The following WSB2 variants were observed in gnomAD, a reference collection of about 807,000 sequenced individuals.
The protein encoded by WSB2 is WD repeat and SOCS box containing 2, also known as WD repeat and SOCS box-containing protein 2.
WSB2 carries 12 observed loss-of-function variants against 48.8 expected under a neutral mutation model. That is an observed-to-expected ratio of 0.25 (90% CI 0.16 to 0.40). WSB2 has a LOEUF of 0.40. WSB2 is among the 10% of genes least tolerant of loss of function. The pLI is 1.00. For synonymous variants in WSB2, 191 were observed against 203.1 expected, an observed-to-expected ratio of 0.94 and a Z score of 0.51; for missense variants, 317 against 506.2, an observed-to-expected ratio of 0.63 and a Z score of 3.59.
intron 2 of WSB2, among the ~76,000 whole-genome samples, chr12:118,046,490 A>G (rs1325255733): frequency 6.6e-6 from 1 of 152,004 alleles, no homozygotes; most frequent in East Asian, 1.9e-4. Context: ...AAAAGAAAGA[A>G]AAAATTTGTC....
At chr12:118,049,061 T>C (rs541155855) in intron 2 of WSB2, among the ~76,000 whole-genome samples, 7 of 152,220 alleles carry the variant, frequency 4.6e-5, no homozygotes, top group Non-Finnish European at 8.8e-5. Context: ...ATCTTCCATG[T>C]TGTGCTTTTT....
At chr12:118,050,315 C>G (rs976222447) in intron 2 of WSB2, among the ~76,000 whole-genome samples, 13 of 152,172 alleles carry the variant, frequency 8.5e-5, no homozygotes, top group African/African-American at 3.1e-4. Flanking sequence ...CATTCTGACA[C>G]TGGGGCTTGT....
At chr12:118,053,754 C>T (rs2031898801) in intron 1 of WSB2, among the ~76,000 whole-genome samples, 1 of 152,152 alleles carries the variant, frequency 6.6e-6, no homozygotes, top group South Asian at 2.1e-4. Flanking sequence ...GTGATACTTA[C>T]TAATATAAAA....
At position 118,036,474 on chromosome 12, in the gene WSB2, G is replaced by A; in HGVS notation, c.697C>T (p.Arg233Trp). ...CTGCTTTGATGGCCCTCTAGCTTCC[G>A]AATTAACGTGTAGGACCTCATGCTC... Reference protein sequence around the residue: ...LWSMRSYTLIRKLEGHQSSVV... With the variant: ...LWSMRSYTLIWKLEGHQSSVV... The change falls in exon 6 of 9, where the codon CGG (arginine) becomes TGG (tryptophan). Residue 233 changes from arginine to tryptophan, a missense_variant. Physicochemically the swap from Arg to Trp is moderately radical, Grantham distance 101. Coordinates refer to ENST00000315436, the MANE Select transcript of WSB2 (RefSeq NM_018639.5). 1 of 1,614,066 alleles carries A rather than the reference G, an allele frequency of 6.2e-7. No individual in the cohort carries two copies. Among genetic ancestry groups the A allele is most frequent in the Non-Finnish European group, 8.5e-7 (1 of 1,179,978 alleles).
intron 1 of WSB2, among the ~76,000 whole-genome samples, chr12:118,055,093 C>A (rs1458617555): frequency 6.6e-6 from 1 of 151,820 alleles, no homozygotes; most frequent in Non-Finnish European, 1.5e-5. Context: ...TGTATAGACC[C>A]AGGTAAATCC....
At chr12:118,055,192 C>T (rs1243432202) in intron 1 of WSB2, among the ~76,000 whole-genome samples, 1 of 152,114 alleles carries the variant, frequency 6.6e-6, no homozygotes, top group South Asian at 2.1e-4. Flanking sequence ...GGGTTCTCAA[C>T]TGGGGGCTAG....
At chr12:118,043,472 G>A in intron 2 of WSB2, 95 bp from the exon 3 acceptor site, 6 of 1,494,974 alleles carry the variant, frequency 4.0e-6, no homozygotes, top group Non-Finnish European at 5.3e-6. Flanking sequence ...GGAGTGGAGG[G>A]AAGGGTCTGT....
chr12:118,038,023 A>G (rs2031551821), intron 5 of WSB2: 1 of 333,636 alleles, frequency 3.0e-6, no homozygotes, highest in African/African-American at 2.1e-5. Flanking sequence ...GAAGAAAAGA[A>G]ATTTAAAAAG....
chr12:118,043,859 G>A (rs1356962794), intron 2 of WSB2, among the ~76,000 whole-genome samples: 3 of 151,886 alleles, frequency 2.0e-5, no homozygotes, highest in East Asian at 1.9e-4. Flanking sequence ...GCTCATGCCC[G>A]TAATCCCAGC....
At chr12:118,046,286 C>T (rs571944998) in intron 2 of WSB2, among the ~76,000 whole-genome samples, 2 of 151,982 alleles carry the variant, frequency 1.3e-5, no homozygotes, top group Non-Finnish European at 2.9e-5. Flanking sequence ...CATGGTGATA[C>T]CCCATCTCTA....
intron 1 of WSB2, among the ~76,000 whole-genome samples, chr12:118,056,544 G>A (rs1043367905): frequency 1.3e-5 from 2 of 152,132 alleles, no homozygotes; most frequent in African/African-American, 2.4e-5. Flanking sequence ...CCTGGTGGAG[G>A]GCAGGCAGTG....
intron 6 of WSB2, 37 bp downstream of exon 6, chr12:118,036,301 C>T: frequency 6.3e-7 from 1 of 1,596,936 alleles, no homozygotes; most frequent in South Asian, 1.1e-5. Context: ...TCATCAGTCC[C>T]CCCACAAAAA....
chr12:118,048,802 T>C (rs2031794473), intron 2 of WSB2, among the ~76,000 whole-genome samples: 2 of 152,154 alleles, frequency 1.3e-5, no homozygotes, highest in African/African-American at 4.8e-5. Context: ...TATGGTTTGT[T>C]CAGAAATAGG....
intron 4 of WSB2, among the ~76,000 whole-genome samples, chr12:118,041,121 T>C (rs543390801): frequency 6.6e-6 from 1 of 152,322 alleles, no homozygotes; most frequent in East Asian, 1.9e-4. Context: ...TGAGGATGCA[T>C]GTGCACTGCC....
chr12:118,061,149 C>A lies in WSB2; in HGVS notation c.-101G>T. The stretch of plus-strand genomic sequence containing the variant: ...GCGCCGCCCGCCCCGGCCAGGCCGC[C>A]GCCGCCGCCCGGAGAGGCCATCAGC... On this transcript the variant is annotated 5_prime_UTR_variant, in exon 1 of 9. Transcript: ENST00000315436. 1.0e-6 allele frequency: 1 copy of A among 982,338 alleles called. No individual in the cohort carries two copies. Among genetic ancestry groups the A allele is most frequent in the South Asian group, 4.6e-5 (1 of 21,748 alleles). The allele number at this position is 982,338 out of a possible 1,614,324, so 60.9% of individuals were successfully genotyped here. A position where few individuals can be genotyped will look rare whatever the true frequency, so the allele number is the denominator to read the frequency against.
intron 4 of WSB2, 90 bp from the exon 5 acceptor site, chr12:118,038,478 G>T: frequency 1.7e-6 from 2 of 1,206,438 alleles, no homozygotes; most frequent in Non-Finnish European, 2.4e-6. Flanking sequence ...ACAGCCCCCA[G>T]CCCAGTATAC....
rs931509457 is a variant in WSB2, at chr12:118,060,478, C to T, written c.13+558G>A. 6.6e-6 allele frequency among the ~76,000 whole-genome samples: 1 copy of T among 152,124 alleles called. No individual in the cohort carries two copies. The highest frequency in any genetic ancestry group is 6.5e-5 in the Admixed American group (1 of 15,278). On this transcript the variant is annotated intron_variant, in intron 1 of 8. Transcript: ENST00000315436. This position sits in a 1 kb window ranked among gnomAD's most constrained non-coding sequence, Gnocchi z 4.1. ...GAATAGATTGTTTCAATAGGGAACC[C>T]AGACCCCAGACCCCATTTTTACCGG...
chr12:118,038,357 C>G lies in WSB2; in HGVS notation c.591G>C (p.Leu197=). Residue 197 remains leucine, a synonymous_variant, in exon 5 of 9, where the codon CTG becomes CTC. Coordinates refer to ENST00000315436, the MANE Select transcript of WSB2 (RefSeq NM_018639.5). ...AGATGGAACAGCAGTAAACCCACTG[C>G]AGGTGGCCCGATAACACTTGAATCT... The part of the protein sequence containing the change: ...GKQIQVLSGH[L]QWVYCCSISP... 1.2e-6 allele frequency: 2 copies of G among 1,614,176 alleles called. No homozygotes were observed. The highest frequency in any genetic ancestry group is 1.7e-6 in the Non-Finnish European group (2 of 1,180,042).
intron 1 of WSB2, among the ~76,000 whole-genome samples, chr12:118,054,566 G>T (rs2031917886): frequency 6.6e-6 from 1 of 151,790 alleles, no homozygotes; most frequent in Non-Finnish European, 1.5e-5. Context: ...GCTACTCAGA[G>T]GGCTGAGGCA....
Sources: gnomAD v4.1 joint callset for allele counts (sites outside exome capture counted in the v4.1 genomes callset) on GRCh38, gnomAD v4.1.1 for gene constraint, Gnocchi (gnomAD v3.1) non-coding constraint, MANE v1.5 for transcripts, NCBI Gene and HGNC (gene_info 2026-07-23, HGNC 2026-07-21) for gene names.